PCDH15: variants seen among roughly 807,000 people sequenced by gnomAD.
The protein encoded by PCDH15 is protocadherin related 15, also known as protocadherin-15.
A neutral mutation model predicts 178.5 loss-of-function variants in PCDH15; 129 were observed. That is an observed-to-expected ratio of 0.72 (90% CI 0.63 to 0.84). The LOEUF (loss-of-function observed/expected upper bound fraction) is 0.84. PCDH15 is among the 40% of genes least tolerant of loss of function. The pLI is 0.00. For synonymous variants in PCDH15, 800 were observed against 732.0 expected (o/e 1.09, Z -1.50); for missense variants, 2,230 against 2,099.9 (o/e 1.06, Z -1.21).
chr10:55,414,321 T>C (rs1565114411), intron 2 of PCDH15, among the ~76,000 whole-genome samples: 1 of 151,570 alleles, frequency 6.6e-6, no homozygotes, highest in Non-Finnish European at 1.5e-5. Flanking sequence ...TGCTAAGTAG[T>C]AGTAGTACAA....
At chr10:54,586,716 G>T (rs540239028) in intron 2 of PCDH15, among the ~76,000 whole-genome samples, 1 of 152,056 alleles carries the variant, frequency 6.6e-6, no homozygotes, top group Admixed American at 6.6e-5. Context: ...AGTTAGACCA[G>T]TTACCCAGCT....
chr10:55,045,960 T>A (rs1416803452), intron 2 of PCDH15, among the ~76,000 whole-genome samples: 1 of 152,066 alleles, frequency 6.6e-6, no homozygotes, highest in East Asian at 1.9e-4. Flanking sequence ...GTAGGACTCA[T>A]CAAAACATGT....
chr10:54,747,823 T>TTTTTTTTTTTTTTGAA, intron 1 of PCDH15, among the ~76,000 whole-genome samples: 1 of 150,966 alleles, frequency 6.6e-6, no homozygotes, highest in East Asian at 1.9e-4. Flanking sequence ...TTTTTTTTTT[T>TTTTTTTTTTTTTTGAA]GAGACGGAGT....
At chr10:55,137,294 G>A (rs2132084240) in intron 2 of PCDH15, among the ~76,000 whole-genome samples, 1 of 152,134 alleles carries the variant, frequency 6.6e-6, no homozygotes, top group South Asian at 2.1e-4. Context: ...ATGTTTATAT[G>A]TGTATAAATA....
chr10:54,358,225 G>T (rs1278544022), intron 5 of PCDH15, among the ~76,000 whole-genome samples: 2 of 150,930 alleles, frequency 1.3e-5, no homozygotes, highest in Non-Finnish European at 2.9e-5. Context: ...AGAGTGAACA[G>T]GCAACCTACA....
chr10:55,313,916 A>C (rs1443286045), intron 1 of PCDH15, among the ~76,000 whole-genome samples: 1 of 152,056 alleles, frequency 6.6e-6, no homozygotes, highest in African/African-American at 2.4e-5. Context: ...TTGATGAGGG[A>C]GGTAGACAGT....
At chr10:54,548,487 A>G (rs1253027969) in intron 2 of PCDH15, among the ~76,000 whole-genome samples, 1 of 147,900 alleles carries the variant, frequency 6.8e-6, no homozygotes, top group East Asian at 1.9e-4. Context: ...TCACCTATTT[A>G]TACTTCTATT....
intron 7 of PCDH15, among the ~76,000 whole-genome samples, chr10:54,321,345 T>C (rs550145633): frequency 6.7e-6 from 1 of 150,304 alleles, no homozygotes; most frequent in African/African-American, 2.4e-5. Context: ...AAAATAATGA[T>C]TGCTTATGAA....
intron 2 of PCDH15, among the ~76,000 whole-genome samples, chr10:54,537,849 G>T (rs1589971600): frequency 6.6e-6 from 1 of 151,892 alleles, no homozygotes; most frequent in East Asian, 1.9e-4. Context: ...GTTTTGATTT[G>T]CGTTTCTCTG....
At chr10:55,155,233 A>G (rs1228863153) in intron 2 of PCDH15, among the ~76,000 whole-genome samples, 1 of 152,152 alleles carries the variant, frequency 6.6e-6, no homozygotes, top group Admixed American at 6.6e-5. Context: ...ACTTCGGTGC[A>G]GTTACTTCAG....
At chr10:54,467,873 A>G (rs558915132) in intron 3 of PCDH15, among the ~76,000 whole-genome samples, 4 of 151,600 alleles carry the variant, frequency 2.6e-5, no homozygotes, top group South Asian at 4.2e-4. Context: ...CAGGTTTTCT[A>G]TTTCTTCCTA....
At chr10:53,921,273 A>G (rs2083976120) in intron 25 of PCDH15, among the ~76,000 whole-genome samples, 1 of 152,200 alleles carries the variant, frequency 6.6e-6, no homozygotes, top group Admixed American at 6.5e-5. Context: ...AATGGAAATT[A>G]AAATTCCATT....
At chr10:53,833,289 G>C (rs769107627) in intron 29 of PCDH15, among the ~76,000 whole-genome samples, 1 of 152,010 alleles carries the variant, frequency 6.6e-6, no homozygotes. Context: ...TCTAAAGTAA[G>C]ATTTGTTAGT....
intron 10 of PCDH15, among the ~76,000 whole-genome samples, chr10:54,203,031 G>T (rs998708531): frequency 1.3e-5 from 2 of 151,980 alleles, no homozygotes; most frequent in African/African-American, 4.8e-5. Flanking sequence ...TAGGGCTATT[G>T]GTTAGCCCTA....
chr10:54,959,252 G>T (rs1345803006), intron 2 of PCDH15, among the ~76,000 whole-genome samples: 3 of 151,780 alleles, frequency 2.0e-5, no homozygotes, highest in Non-Finnish European at 4.4e-5. Flanking sequence ...ATAAAAATAG[G>T]TAATGGAAAA....
At chr10:54,972,418 T>C (rs1316972540) in intron 2 of PCDH15, among the ~76,000 whole-genome samples, 2 of 152,182 alleles carry the variant, frequency 1.3e-5, no homozygotes, top group South Asian at 2.1e-4. Flanking sequence ...TAGGCACCTA[T>C]AAGCTCAGCT....
intron 2 of PCDH15, among the ~76,000 whole-genome samples, chr10:54,628,634 T>A (rs114014764): frequency 6.6e-6 from 1 of 152,176 alleles, no homozygotes; most frequent in African/African-American, 2.4e-5. Flanking sequence ...TTAATTACTT[T>A]AGGTCTTTCA....
At chr10:54,298,672 G>T (rs1370927394) in intron 8 of PCDH15, among the ~76,000 whole-genome samples, 1 of 152,202 alleles carries the variant, frequency 6.6e-6, no homozygotes, top group Non-Finnish European at 1.5e-5. Context: ...GACTGAGGGT[G>T]CCTGGGGCAA....
chr10:55,286,353 A>C (rs1210422570), intron 1 of PCDH15, among the ~76,000 whole-genome samples: 2 of 151,946 alleles, frequency 1.3e-5, no homozygotes, highest in Admixed American at 6.6e-5. Flanking sequence ...GAATATGAGA[A>C]ATTTTTAAAA....
Sources: gnomAD v4.1 joint callset for allele counts (sites outside exome capture counted in the v4.1 genomes callset) on GRCh38, gnomAD v4.1.1 for gene constraint, MANE v1.5 for transcripts, NCBI Gene and HGNC (gene_info 2026-07-23, HGNC 2026-07-21) for gene names.